FAT3: variants seen among roughly 807,000 people sequenced by gnomAD.
The protein encoded by FAT3 is FAT atypical cadherin 3.
In FAT3, 95 loss-of-function variants were observed where a neutral mutation model predicts 310.2. The observed-to-expected ratio is 0.31, with a 90% CI of 0.26 to 0.36. The LOEUF (loss-of-function observed/expected upper bound fraction) is 0.36, where lower values mean the gene tolerates loss of function less well. Ranked by LOEUF, FAT3 falls within the 10% of genes least tolerant of loss-of-function variation. FAT3 has a pLI of 1.00. For synonymous variants in FAT3, 2,314 were observed against 2,192.9 expected, an observed-to-expected ratio of 1.06 and a Z score of -1.54; for missense variants, 5,408 against 5,715.6, an observed-to-expected ratio of 0.95 and a Z score of 1.74.
At chr11:92,381,172 A>G (rs890776035) in intron 2 of FAT3, among the ~76,000 whole-genome samples, 1 of 152,206 alleles carries the variant, frequency 6.6e-6, no homozygotes, top group Non-Finnish European at 1.5e-5. Context: ...GTTAAAAGAG[A>G]AAGTAAGAAC....
At chr11:92,864,089 G>A (rs894427499) in intron 21 of FAT3, among the ~76,000 whole-genome samples, 1 of 152,196 alleles carries the variant, frequency 6.6e-6, no homozygotes, top group Non-Finnish European at 1.5e-5. Flanking sequence ...GTTAGTATGA[G>A]ATAATTTTAT....
intron 3 of FAT3, among the ~76,000 whole-genome samples, chr11:92,677,855 C>T (rs1328723660): frequency 1.3e-5 from 2 of 152,156 alleles, no homozygotes; most frequent in East Asian, 3.9e-4. Context: ...AAAGTACACT[C>T]CACACAGTGG....
intron 4 of FAT3, among the ~76,000 whole-genome samples, chr11:92,722,745 G>C (rs527670122): frequency 5.9e-5 from 9 of 152,250 alleles, no homozygotes; most frequent in African/African-American, 2.2e-4. Flanking sequence ...ATTTACTTCT[G>C]TGCACTCACA....
At chr11:92,706,731 A>C (rs2135938284) in intron 4 of FAT3, among the ~76,000 whole-genome samples, 1 of 152,350 alleles carries the variant, frequency 6.6e-6, no homozygotes, top group Non-Finnish European at 1.5e-5. Flanking sequence ...GGATGTAATT[A>C]GTTTCTTATC....
intron 1 of FAT3, among the ~76,000 whole-genome samples, chr11:92,311,688 C>T (rs192668215): frequency 6.6e-6 from 1 of 152,266 alleles, no homozygotes; most frequent in Admixed American, 6.5e-5. Flanking sequence ...AAAGAGAAGA[C>T]TGTAATTTTC....
At chr11:92,471,933 A>G (rs1469979852) in intron 2 of FAT3, among the ~76,000 whole-genome samples, 1 of 123,232 alleles carries the variant, frequency 8.1e-6, no homozygotes, top group South Asian at 2.2e-4. Flanking sequence ...ATATATATAT[A>G]TATATATATA....
chr11:92,447,213 A>G (rs867327298), intron 2 of FAT3, among the ~76,000 whole-genome samples: 6 of 112,280 alleles, frequency 5.3e-5, no homozygotes, highest in Admixed American at 3.0e-4. Context: ...ATGTGTATGT[A>G]TATGTGTGCG....
intron 2 of FAT3, among the ~76,000 whole-genome samples, chr11:92,513,503 G>T (rs536898976): frequency 6.6e-6 from 1 of 152,126 alleles, no homozygotes; most frequent in Non-Finnish European, 1.5e-5. Flanking sequence ...AGTTTAAAGA[G>T]TTTGACTCTT....
intron 2 of FAT3, among the ~76,000 whole-genome samples, chr11:92,518,633 A>T (rs1953575803): frequency 6.6e-6 from 1 of 152,102 alleles, no homozygotes; most frequent in Non-Finnish European, 1.5e-5. Context: ...CACGTTTTGC[A>T]CATGTATCCC....
At chr11:92,426,859 G>C (rs1472895808) in intron 2 of FAT3, among the ~76,000 whole-genome samples, 1 of 152,128 alleles carries the variant, frequency 6.6e-6, no homozygotes, top group Non-Finnish European at 1.5e-5. Context: ...GGCTATACAG[G>C]CTCTTGTTTG....
chr11:92,508,013 G>A (rs1442812991), intron 2 of FAT3, among the ~76,000 whole-genome samples: 1 of 152,000 alleles, frequency 6.6e-6, no homozygotes, highest in African/African-American at 2.4e-5. Context: ...CATTCTGTAG[G>A]GCACTTTTCC....
intron 3 of FAT3, among the ~76,000 whole-genome samples, chr11:92,577,329 A>G (rs960978325): frequency 1.3e-5 from 2 of 151,952 alleles, no homozygotes; most frequent in Non-Finnish European, 2.9e-5. Flanking sequence ...GGCTGAACTC[A>G]AACTCCTGAC....
intron 1 of FAT3, 28 bp from the exon 2 acceptor site, chr11:92,352,068 C>T: frequency 8.1e-7 from 1 of 1,230,950 alleles, no homozygotes; most frequent in Non-Finnish European, 1.0e-6. Flanking sequence ...GTTAATTTAT[C>T]TTTTCTCTCT....
intron 3 of FAT3, among the ~76,000 whole-genome samples, chr11:92,685,190 A>G (rs1213124327): frequency 1.3e-5 from 2 of 152,256 alleles, no homozygotes; most frequent in Non-Finnish European, 2.9e-5. Flanking sequence ...TTTAAATAAC[A>G]TAATTTAGTT....
intron 2 of FAT3, among the ~76,000 whole-genome samples, chr11:92,454,268 A>G (rs759799534): frequency 2.0e-5 from 3 of 152,190 alleles, no homozygotes; most frequent in Non-Finnish European, 2.9e-5. Flanking sequence ...GTAAGCTGCA[A>G]TGCAAAAAGT....
chr11:92,754,401 G>A (rs1361400504), intron 4 of FAT3, among the ~76,000 whole-genome samples: 1 of 151,544 alleles, frequency 6.6e-6, no homozygotes, highest in Non-Finnish European at 1.5e-5. Flanking sequence ...CGAGGCGGGC[G>A]GATCACGAGG....
chr11:92,760,432 C>T (rs557184570), intron 4 of FAT3, among the ~76,000 whole-genome samples: 19 of 152,264 alleles, frequency 1.2e-4, no homozygotes, highest in Admixed American at 1.2e-3. Context: ...TTGTTTTTCT[C>T]CTATTGATGT....
At chr11:92,280,679 A>G (rs1946397027) in intron 1 of FAT3, among the ~76,000 whole-genome samples, 1 of 152,148 alleles carries the variant, frequency 6.6e-6, no homozygotes, top group South Asian at 2.1e-4. Context: ...GATCTCTATA[A>G]TTCAGCTCCC....
At chr11:92,517,544 A>G (rs558371464) in intron 2 of FAT3, among the ~76,000 whole-genome samples, 116 of 152,304 alleles carry the variant, frequency 7.6e-4, no homozygotes, top group Non-Finnish European at 9.7e-4. Flanking sequence ...AGGCAATACC[A>G]TTCAGGACAT....
Sources: gnomAD v4.1 joint callset for allele counts (sites outside exome capture counted in the v4.1 genomes callset) on GRCh38, gnomAD v4.1.1 for gene constraint, MANE v1.5 for transcripts, NCBI Gene and HGNC (gene_info 2026-07-23, HGNC 2026-07-21) for gene names.